The following FBF1 variants were observed in gnomAD, a reference collection of about 807,000 sequenced individuals.
FBF1 encodes the protein fas-binding factor 1.
Under a neutral mutation model 147.2 loss-of-function variants are expected in FBF1, and 119 were observed. That is an observed-to-expected ratio of 0.81 (90% CI 0.70 to 0.94). The LOEUF is 0.94. Among genes scored for constraint, FBF1 ranks in the 40% least tolerant of loss-of-function variants. The pLI is 0.00. For missense variants in FBF1, 1,449 were observed against 1,500.8 expected (o/e 0.97, Z 0.57); for synonymous variants, 601 against 609.0 (o/e 0.99, Z 0.19).
In FBF1 at chr17:75,914,107, G is replaced by T. The variant is rs780846474; in HGVS notation, c.2991+15C>A. 2 of 1,597,286 alleles carry T rather than the reference G, an allele frequency of 1.3e-6. No homozygotes were observed. Among genetic ancestry groups the T allele is most frequent in the Non-Finnish European group, 8.5e-7 (1 of 1,176,086 alleles). ...TGGGCTCAGATGCGCCCACGCCCAT[G>T]TGCCCGAGCAGCACCTTGCTCATGC... On this transcript the variant is annotated intron_variant, in intron 26 of 29. Coordinates refer to ENST00000636174, the MANE Select transcript of FBF1 (RefSeq NM_001319193.2).
chr17:75,926,529 C>T lies in FBF1; in HGVS notation c.596-103G>A, dbSNP rs2065563044. On this transcript the variant is annotated intron_variant, in intron 10 of 29. Coordinates refer to ENST00000636174, the MANE Select transcript of FBF1 (RefSeq NM_001319193.2). ...TTCTCTGCACCTTTGGGTAGGACGA[C>T]AGGCTTTAGACCTGCCTGGTCTGTC... 6 of 1,440,622 alleles carry T rather than the reference C, an allele frequency of 4.2e-6. No individual in the cohort carries two copies. The South Asian group carries it at 7.4e-5, about 18-fold the overall frequency. 89.2% of individuals were successfully genotyped at this position (1,440,622 alleles called of 1,614,324 possible). A position where few individuals can be genotyped will look rare whatever the true frequency, so the allele number is the denominator to read the frequency against.
chr17:75,914,370 T>C, intron 25 of FBF1, 72 bp from the exon 26 acceptor site: 2 of 1,498,168 alleles, frequency 1.3e-6, no homozygotes, highest in South Asian at 2.5e-5. Flanking sequence ...GACTCTAGGG[T>C]CCCCTCTGCC....
At chr17:75,929,542 A>T (rs73997662) in intron 7 of FBF1, among the ~76,000 whole-genome samples, 1,657 of 152,314 alleles carry the variant, frequency 0.011, 29 homozygotes, top group African/African-American at 0.037. Context: ...GTCCTTACAA[A>T]TTATTCAGAA....
Position 75,918,181 on chromosome 17 carries a change from T to C in FBF1, c.2227A>G (p.Ser743Gly). ...ACATACCGCGTGTGGGAGGTGGCAC[T>C]GGTGGCCGCATCGACCTCTCGGTCC... ...LKDREVDAATSATSHTRSLNS... is the reference protein window; with the variant it reads ...LKDREVDAATGATSHTRSLNS... The change falls in exon 21 of 30, where the codon AGT (serine) becomes GGT (glycine). Residue 743 changes from serine (S) to glycine (G), a missense_variant. Ser to Gly is a moderately conservative substitution (Grantham distance 56, BLOSUM62 0). Coordinates refer to ENST00000636174, the MANE Select transcript of FBF1 (RefSeq NM_001319193.2). The surrounding 1 kb of genome is among the most constrained non-coding windows in gnomAD (Gnocchi z 5.8). 1 of 1,613,326 alleles carries C rather than the reference T, an allele frequency of 6.2e-7. No homozygotes were observed. The highest frequency in any genetic ancestry group is 8.5e-7 in the Non-Finnish European group (1 of 1,179,830).
Position 75,922,145 on chromosome 17 carries a change from C to A in FBF1, c.1425-99G>T. The A allele has an allele frequency of 1.0e-6, 1 of 979,786 alleles. No homozygotes were observed. The highest frequency in any genetic ancestry group is 1.5e-6 in the Non-Finnish European group (1 of 652,986). The allele number at this position is 979,786 out of a possible 1,614,324, so 60.7% of individuals were successfully genotyped here. A position where few individuals can be genotyped will look rare whatever the true frequency, so the allele number is the denominator to read the frequency against. ...CGGGCTTCACACGTGAAGCTCGTGGCCCCCCTTCCTCCTGCTTCCACCATC... is the reference window on the plus strand; with the variant it reads ...CGGGCTTCACACGTGAAGCTCGTGGACCCCCTTCCTCCTGCTTCCACCATC... On this transcript the variant is annotated intron_variant, in intron 14 of 29. Transcript: ENST00000636174. This position sits in a 1 kb window ranked among gnomAD's most constrained non-coding sequence, Gnocchi z 5.0.
intron 23 of FBF1, 75 bp downstream of exon 23, chr17:75,917,654 TGCC>T: frequency 7.6e-7 from 1 of 1,313,976 alleles, no homozygotes. Flanking sequence ...GTCACGGGAG[TGCC>T]GCTACACTTG....
rs151207038 is a variant in FBF1 at position 75,933,657 on chromosome 17, C to T, written c.74-569G>A. Among the ~76,000 whole-genome samples, 870 of 152,190 alleles carry T rather than the reference C, an allele frequency of 5.7e-3. 11 individuals are homozygous for T. The highest frequency in any genetic ancestry group is 0.02 in the African/African-American group (810 of 41,520). ...AGCCAGGTTCCTTAATAGACCAACA[C>T]GAACACAAATAATATGGATTAGCAT... On this transcript the variant is annotated intron_variant, in intron 4 of 29. Coordinates refer to ENST00000636174, the MANE Select transcript of FBF1 (RefSeq NM_001319193.2).
chr17:75,931,453 C>T (rs2065594219), intron 5 of FBF1, among the ~76,000 whole-genome samples, 164 bp from the exon 6 acceptor site: 1 of 152,234 alleles, frequency 6.6e-6, no homozygotes, highest in Non-Finnish European at 1.5e-5. Context: ...TGATTTTCAA[C>T]TTTGTTAGCA....
In FBF1 at chr17:75,934,705, C is replaced by A. The variant is rs767011226; in HGVS notation, c.73+927G>T. 4.0e-5 allele frequency among the ~76,000 whole-genome samples: 6 copies of A among 151,612 alleles called. No homozygotes were observed. The East Asian group carries it at 5.8e-4, about 15-fold the overall frequency. On this transcript the variant is annotated intron_variant, in intron 4 of 29. Transcript: ENST00000636174. ...ACCAGACTGACCAACGTGGAGAAAC[C>A]CCCATCTCTACTAAAAATACAAAAT...
At chr17:75,932,543 T>C (rs1012558489) in intron 5 of FBF1, among the ~76,000 whole-genome samples, 1 of 151,950 alleles carries the variant, frequency 6.6e-6, no homozygotes, top group Non-Finnish European at 1.5e-5. Context: ...GCCCAGGAGT[T>C]CAAGACCAGC....
chr17:75,920,346 A>C lies in FBF1; in HGVS notation c.1758T>G (p.Leu586=). The C allele has an allele frequency of 1.9e-6, 3 of 1,609,552 alleles. No individual in the cohort carries two copies. The South Asian group carries it at 3.3e-5, about 18-fold the overall frequency. ...CCTGGAGCTCAGCGGGGCTGCACTG[A>C]AGTTGCACCTGTGCTGCCAGGAGCT... ...QKQLLAAQVQ[L]QCSPAELQAE... Residue 586 remains leucine, a synonymous_variant, in exon 18 of 30, where the codon CTT becomes CTG. Coordinates refer to ENST00000636174, the MANE Select transcript of FBF1 (RefSeq NM_001319193.2).
Position 75,923,090 on chromosome 17 carries a change from C to T in FBF1, c.1424+96G>A. ...CACGGCGCCCTGCCTTGTTCCCCAACTGCTGACTGAGGCTGCAACAGGTGA... is the reference window on the plus strand; with the variant it reads ...CACGGCGCCCTGCCTTGTTCCCCAATTGCTGACTGAGGCTGCAACAGGTGA... On this transcript the variant is annotated intron_variant, in intron 14 of 29. Transcript: ENST00000636174. This position sits in a 1 kb window ranked among gnomAD's most constrained non-coding sequence, Gnocchi z 4.1. The T allele has an allele frequency of 7.9e-7, 1 of 1,271,462 alleles. No individual in the cohort carries two copies. Among genetic ancestry groups the T allele is most frequent in the Non-Finnish European group, 1.1e-6 (1 of 933,554 alleles). The allele number at this position is 1,271,462 out of a possible 1,614,324, so 78.8% of individuals were successfully genotyped here. A position where few individuals can be genotyped will look rare whatever the true frequency, so the allele number is the denominator to read the frequency against.
At position 75,920,006 on chromosome 17, in the gene FBF1, C is replaced by G. The variant is rs201971333; in HGVS notation, c.1931+1G>C. 1 of 1,608,244 alleles carries G rather than the reference C, an allele frequency of 6.2e-7. No individual in the cohort carries two copies. The highest frequency in any genetic ancestry group is 8.5e-7 in the Non-Finnish European group (1 of 1,177,452). On this transcript the variant is annotated splice_donor_variant, in intron 19 of 29. Coordinates refer to ENST00000636174, the MANE Select transcript of FBF1 (RefSeq NM_001319193.2). LOFTEE classifies it high-confidence loss of function. ...CAGAGCTGGGGCCAGCGCCAGGGTA[C>G]CTGTGTGCACTCTCGATGAGCTCCA...
intron 16 of FBF1, 28 bp downstream of exon 16, chr17:75,921,444 C>A (rs1413952546): frequency 1.9e-6 from 3 of 1,600,342 alleles, no homozygotes; most frequent in Non-Finnish European, 2.6e-6. Context: ...GTTAAACTCC[C>A]AAATGAAGCA....
intron 8 of FBF1, 131 bp downstream of exon 8, chr17:75,927,945 C>T: frequency 2.8e-6 from 2 of 704,276 alleles, no homozygotes; most frequent in Non-Finnish European, 4.8e-6. Flanking sequence ...GCTCCTTGGC[C>T]TCTCCATCCT....
Position 75,914,316 on chromosome 17 carries a change from C to T in FBF1, c.2815-18G>A, listed in dbSNP as rs1173707695. ...GCCTGCTCCTGGAGACAGCGGAGGC[C>T]CTGCTGCATTCTCCTCCCAGGAATT... On this transcript the variant is annotated intron_variant, in intron 25 of 29. Transcript: ENST00000636174. The T allele has an allele frequency of 1.3e-6, 2 of 1,578,894 alleles. No homozygotes were observed. The highest frequency in any genetic ancestry group is 1.7e-6 in the Non-Finnish European group (2 of 1,169,064).
chr17:75,938,626 G>A (rs1455097078), intron 1 of FBF1, among the ~76,000 whole-genome samples: 1 of 151,104 alleles, frequency 6.6e-6, no homozygotes, highest in Non-Finnish European at 1.5e-5. Flanking sequence ...CTCTTTGGGA[G>A]GCCGAGGCAG....
At chr17:75,914,545 G>A (rs1285273981) in intron 25 of FBF1, 2 of 822,686 alleles carry the variant, frequency 2.4e-6, no homozygotes, top group Non-Finnish European at 3.7e-6. Context: ...ATGGGAACAT[G>A]AGGATCAAAT....
At position 75,922,041 on chromosome 17, in the gene FBF1, G is replaced by A; in HGVS notation, c.1430C>T (p.Pro477Leu). 6.4e-7 allele frequency: 1 copy of A among 1,551,924 alleles called. No individual in the cohort carries two copies. The highest frequency in any genetic ancestry group is 2.4e-5 in the East Asian group (1 of 40,914). ...TAGHPPSGSQ[P>L]LTSTQGLEHA... ...CTCAAGCCCTTGTGTGCTGGTGAGA[G>A]GTTGGCTGAGGAAAGGCAGCGTTCA... Residue 477 changes from proline (P) to leucine (L), a missense_variant, in exon 15 of 30, where the codon CCT (proline) becomes CTT (leucine). Transcript: ENST00000636174. This position sits in a 1 kb window ranked among gnomAD's most constrained non-coding sequence, Gnocchi z 5.0.
Sources: allele counts gnomAD v4.1 joint callset (sites outside exome capture counted in the v4.1 genomes callset), GRCh38; gene constraint gnomAD v4.1.1; non-coding constraint Gnocchi (gnomAD v3.1); transcripts MANE v1.5; gene names NCBI Gene and HGNC (gene_info 2026-07-23, HGNC 2026-07-21).